The following SNAPC1 variants were observed in gnomAD, a reference collection of about 807,000 sequenced individuals.
SNAPC1 encodes the protein snRNA-activating protein complex subunit 1.
A neutral mutation model predicts 50.1 loss-of-function variants in SNAPC1; 42 were observed. That is an observed-to-expected ratio of 0.84 (90% CI 0.65 to 1.08). SNAPC1 has a LOEUF of 1.08. SNAPC1 is among the 50% of genes least tolerant of loss of function. The pLI, the probability that SNAPC1 is intolerant of heterozygous loss-of-function variation, is 0.00. For synonymous variants in SNAPC1, 164 were observed against 144.2 expected (o/e 1.14, Z -0.98); for missense variants, 477 against 427.3 (o/e 1.12, Z -1.02).
chr14:61,781,107 G>A (rs920003849), intron 7 of SNAPC1, among the ~76,000 whole-genome samples: 5 of 152,082 alleles, frequency 3.3e-5, no homozygotes, highest in African/African-American at 1.2e-4. Context: ...AGGAAGTCCT[G>A]GAACTAATCC....
intron 8 of SNAPC1, among the ~76,000 whole-genome samples, chr14:61,791,827 C>T (rs1254044502): frequency 6.6e-6 from 1 of 151,650 alleles, no homozygotes; most frequent in Non-Finnish European, 1.5e-5. Flanking sequence ...CCAGCCTGGG[C>T]TACAGAGAGA....
intron 4 of SNAPC1, 151 bp from the exon 5 acceptor site, chr14:61,775,944 C>A: frequency 1.8e-6 from 1 of 558,230 alleles, no homozygotes; most frequent in Non-Finnish European, 3.1e-6. Context: ...TACTATTTTG[C>A]TTACATGATT....
chr14:61,764,427 A>G (rs926763058), intron 1 of SNAPC1, among the ~76,000 whole-genome samples: 35 of 152,334 alleles, frequency 2.3e-4, no homozygotes, highest in African/African-American at 7.7e-4. Flanking sequence ...TGTACAGTTA[A>G]TAAAAGGAGA....
At chr14:61,773,675 C>T (rs537356215) in intron 4 of SNAPC1, among the ~76,000 whole-genome samples, 3 of 149,598 alleles carry the variant, frequency 2.0e-5, no homozygotes, top group African/African-American at 4.9e-5. Flanking sequence ...GGATTGCAGG[C>T]GCGGGCCACC....
chr14:61,777,553 G>GT (rs1314205319), intron 5 of SNAPC1, among the ~76,000 whole-genome samples: 2 of 150,904 alleles, frequency 1.3e-5, no homozygotes, highest in East Asian at 3.9e-4. Context: ...AATTTTTTTT[G>GT]TTTTTTGTAG....
At chr14:61,774,678 T>TTTTTTTTTTTG (rs750612622) in intron 4 of SNAPC1, among the ~76,000 whole-genome samples, 1 of 129,228 alleles carries the variant, frequency 7.7e-6, no homozygotes, top group African/African-American at 3.1e-5. Context: ...TTTTTTTTTT[T>TTTTTTTTTTTG]GAGAGGCAGA....
chr14:61,792,777 C>A, intron 8 of SNAPC1, 30 bp from the exon 9 acceptor site: 1 of 1,202,892 alleles, frequency 8.3e-7, no homozygotes, highest in Non-Finnish European at 1.2e-6. Flanking sequence ...TCTTTGCTTT[C>A]ATATAAAATC....
intron 9 of SNAPC1, 73 bp from the exon 10 acceptor site, chr14:61,794,876 G>A (rs1306142155): frequency 2.1e-6 from 2 of 963,122 alleles, no homozygotes; most frequent in African/African-American, 1.6e-5. Context: ...TATCATGTAA[G>A]TGTCAGTTGT....
chr14:61,774,775 T>C (rs1366231802), intron 4 of SNAPC1, among the ~76,000 whole-genome samples: 1 of 149,868 alleles, frequency 6.7e-6, no homozygotes, highest in Non-Finnish European at 1.5e-5. Context: ...GTGATTCTCC[T>C]GCCTCAGCCT....
chr14:61,792,363 A>G (rs2035222434), intron 8 of SNAPC1, among the ~76,000 whole-genome samples: 1 of 152,226 alleles, frequency 6.6e-6, no homozygotes, highest in Non-Finnish European at 1.5e-5. Flanking sequence ...CTAGAGGAAT[A>G]TATCTTGTAG....
intron 8 of SNAPC1, among the ~76,000 whole-genome samples, chr14:61,791,788 G>T (rs1195021656): frequency 6.6e-6 from 1 of 152,126 alleles, no homozygotes; most frequent in Non-Finnish European, 1.5e-5. Flanking sequence ...GGCGGAGGTT[G>T]CAGTGAGCTG....
intron 4 of SNAPC1, among the ~76,000 whole-genome samples, chr14:61,774,366 A>C (rs937701253): frequency 7.2e-5 from 11 of 152,014 alleles, no homozygotes; most frequent in African/African-American, 2.4e-4. Context: ...CTTGTTTAAT[A>C]CTTAACAATG....
intron 4 of SNAPC1, among the ~76,000 whole-genome samples, chr14:61,771,930 G>T (rs2044994140): frequency 6.6e-6 from 1 of 152,132 alleles, no homozygotes; most frequent in Non-Finnish European, 1.5e-5. Flanking sequence ...AAAATGTTTG[G>T]AATAGCGGTT....
At chr14:61,778,029 T>TTGTATGTG (rs370573265) in intron 5 of SNAPC1, 43 bp from the exon 6 acceptor site, 5 of 914,040 alleles carry the variant, frequency 5.5e-6, no homozygotes, top group East Asian at 5.6e-5. Flanking sequence ...AATTGTAAAT[T>TTGTATGTG]TGTATGTGTG....
chr14:61,767,004 A>G lies in SNAPC1; in HGVS notation c.257A>G (p.Tyr86Cys), dbSNP rs746729135. 3 of 1,603,094 alleles carry G rather than the reference A, an allele frequency of 1.9e-6. No individual in the cohort carries two copies. The East Asian group carries it at 6.7e-5, about 36-fold the overall frequency. Reference sequence around the variant, plus strand: ...GCTTTGTATCTGCTATATGGATTATATAATACCCAACTGTGTCAACCAAAA... The same window carrying G: ...GCTTTGTATCTGCTATATGGATTATGTAATACCCAACTGTGTCAACCAAAA... ...VGALYLLYGL[Y>C]NTQLCQPKQK... Residue 86 changes from tyrosine (Y) to cysteine (C), a missense_variant, in exon 2 of 10, where the codon TAT becomes TGT. Tyr to Cys is a radical substitution (Grantham distance 194). Transcript: ENST00000216294.
At chr14:61,772,272 G>A (rs1056356784) in intron 4 of SNAPC1, among the ~76,000 whole-genome samples, 9 of 151,558 alleles carry the variant, frequency 5.9e-5, no homozygotes, top group African/African-American at 2.2e-4. Context: ...TTCCGAGACG[G>A]TGTCTTGCTC....
intron 8 of SNAPC1, among the ~76,000 whole-genome samples, chr14:61,783,189 A>AT (rs200748873): frequency 0.12 from 18,100 of 149,686 alleles, 1,330 homozygotes; most frequent in Non-Finnish European, 0.16. Flanking sequence ...TACCCAGCTA[A>AT]TTTTTTTTTG....
chr14:61,790,156 T>G (rs776523424), intron 8 of SNAPC1, among the ~76,000 whole-genome samples: 9 of 152,200 alleles, frequency 5.9e-5, no homozygotes, highest in Non-Finnish European at 1.3e-4. Flanking sequence ...CTTGCCAGAC[T>G]GATTTCTGTA....
chr14:61,778,696 G>A (rs1382576719), intron 6 of SNAPC1, 152 bp from the exon 7 acceptor site: 10 of 617,478 alleles, frequency 1.6e-5, no homozygotes, highest in Non-Finnish European at 2.9e-5. Context: ...ATGTTTATGT[G>A]TGTGTACTCA....
Sources: gnomAD v4.1 joint callset for allele counts (sites outside exome capture counted in the v4.1 genomes callset) on GRCh38, gnomAD v4.1.1 for gene constraint, MANE v1.5 for transcripts, NCBI Gene and HGNC (gene_info 2026-07-23, HGNC 2026-07-21) for gene names.